DMD: variants seen among roughly 807,000 people sequenced by gnomAD.
DMD encodes dystrophin.
DMD carries 63 observed loss-of-function variants against 330.1 expected under a neutral mutation model. The observed-to-expected ratio is 0.19, with a 90% CI of 0.16 to 0.24. DMD has a LOEUF of 0.24. Ranked by LOEUF, DMD falls within the 10% of genes least tolerant of loss-of-function variation. The pLI is 1.00. For missense variants in DMD, 3,344 were observed against 2,684.1 expected, an observed-to-expected ratio of 1.25 and a Z score of -5.43; for synonymous variants, 1,223 against 959.8, an observed-to-expected ratio of 1.27 and a Z score of -5.07.
intron 52 of DMD, among the ~76,000 whole-genome samples, chrX:31,705,230 G>A (rs2084093051): frequency 1.8e-5 from 2 of 112,781 alleles, no homozygotes; most frequent in Admixed American, 9.3e-5. Context: ...TAGGAGTCCA[G>A]GCACAGCCTG....
intron 11 of DMD, among the ~76,000 whole-genome samples, chrX:32,622,006 C>G (rs1422443376): frequency 9.0e-6 from 1 of 111,621 alleles, no homozygotes; most frequent in Non-Finnish European, 1.9e-5. Flanking sequence ...AATTACTGCT[C>G]TAGGTAACTT....
intron 1 of DMD, among the ~76,000 whole-genome samples, chrX:33,253,037 A>G (rs1189256159): frequency 1.8e-5 from 2 of 111,825 alleles, no homozygotes; most frequent in Non-Finnish European, 3.8e-5. Context: ...ATAAAATCAA[A>G]GTAAAACTAA....
rs193001117 is a variant in DMD, at chrX:33,243,164, G to C, written c.7+96095C>G. Among the ~76,000 whole-genome samples, 135 of 111,848 alleles carry C rather than the reference G, an allele frequency of 1.2e-3. 1 individual carries two copies. The highest frequency in any genetic ancestry group is 5.2e-3 in the South Asian group (14 of 2,692). ...CATTTGCTTTTGGGTTCTTGGTCAT[G>C]AAATCCTTGCCTAAGCCAATGTCTA... On this transcript the variant is annotated intron_variant, in intron 1 of 17. Transcript: ENST00000288447.
intron 1 of DMD, among the ~76,000 whole-genome samples, chrX:33,032,756 G>C (rs766000662): frequency 4.3e-4 from 48 of 112,446 alleles, no homozygotes; most frequent in African/African-American, 1.5e-3. Flanking sequence ...AGGAAATGCA[G>C]TGAGTTATTG....
intron 2 of DMD, among the ~76,000 whole-genome samples, chrX:32,983,771 T>A (rs992745534): frequency 8.9e-6 from 1 of 111,841 alleles, no homozygotes; most frequent in Non-Finnish European, 1.9e-5. Flanking sequence ...TCAATTTTTT[T>A]AAAAGTCAAT....
At chrX:31,725,210 C>T (rs1236062439) in intron 52 of DMD, among the ~76,000 whole-genome samples, 1 of 107,008 alleles carries the variant, frequency 9.3e-6, no homozygotes, top group Non-Finnish European at 1.9e-5. Context: ...TCTCGGTTTT[C>T]TGTCTCTAAA....
chrX:32,462,740 G>C (rs995775985), intron 25 of DMD, among the ~76,000 whole-genome samples: 33 of 110,758 alleles, frequency 3.0e-4, no homozygotes, highest in Non-Finnish European at 4.7e-4. Context: ...AGCATTGTTT[G>C]AGCCCAGGAA....
At chrX:32,734,562 C>G (rs1458364989) in intron 7 of DMD, among the ~76,000 whole-genome samples, 1 of 103,618 alleles carries the variant, frequency 9.7e-6, no homozygotes, top group Non-Finnish European at 1.9e-5. Flanking sequence ...AAAGCTTATC[C>G]ACCATGATCA....
At chrX:32,812,602 T>C (rs1042283214) in intron 6 of DMD, among the ~76,000 whole-genome samples, 2 of 112,506 alleles carry the variant, frequency 1.8e-5, no homozygotes, top group Non-Finnish European at 1.9e-5. Flanking sequence ...CACTGCGCTC[T>C]AGCCTGTGCA....
chrX:31,180,613 G>C (rs772725124), intron 68 of DMD, 132 bp from the exon 69 acceptor site: 4 of 531,774 alleles, frequency 7.5e-6, no homozygotes, highest in Non-Finnish European at 1.3e-5. Context: ...CACAAGGTAA[G>C]TGATTAACTT....
intron 1 of DMD, among the ~76,000 whole-genome samples, chrX:33,171,197 A>ACT (rs760538296): frequency 0.035 from 3,168 of 89,565 alleles, 129 homozygotes; most frequent in African/African-American, 0.12. Flanking sequence ...ACTCCTTTAA[A>ACT]CTCTCTCTCT....
chrX:32,672,701 T>G (rs1184084659), intron 9 of DMD, among the ~76,000 whole-genome samples: 2 of 110,428 alleles, frequency 1.8e-5, no homozygotes, highest in South Asian at 7.6e-4. Flanking sequence ...TCTGCTTGAC[T>G]GAGAAAAAAA....
At chrX:32,335,825 T>C (rs1407254052) in intron 41 of DMD, among the ~76,000 whole-genome samples, 2 of 105,405 alleles carry the variant, frequency 1.9e-5, no homozygotes, top group Non-Finnish European at 3.9e-5. Context: ...GTATAACATG[T>C]TATATATAAC....
chrX:33,037,321 G>A (rs941755654), intron 1 of DMD, among the ~76,000 whole-genome samples: 4 of 107,960 alleles, frequency 3.7e-5, no homozygotes, highest in African/African-American at 1.4e-4. Flanking sequence ...CTCTATATCT[G>A]CAAACTCAAG....
intron 11 of DMD, among the ~76,000 whole-genome samples, chrX:32,642,730 G>A (rs768310487): frequency 8.9e-6 from 1 of 111,752 alleles, no homozygotes; most frequent in South Asian, 3.8e-4. Flanking sequence ...TAACTGATTA[G>A]TATGAATAAT....
At chrX:32,403,206 T>C (rs190043551) in intron 30 of DMD, among the ~76,000 whole-genome samples, 1 of 112,139 alleles carries the variant, frequency 8.9e-6, no homozygotes, top group African/African-American at 3.2e-5. Flanking sequence ...TTTAGATCGA[T>C]AAATTTTCTG....
intron 53 of DMD, among the ~76,000 whole-genome samples, chrX:31,667,784 A>G (rs953441398): frequency 9.0e-6 from 1 of 111,277 alleles, no homozygotes; most frequent in Non-Finnish European, 1.9e-5. Flanking sequence ...TATCCCATAA[A>G]TATATATACC....
intron 7 of DMD, among the ~76,000 whole-genome samples, chrX:32,742,514 G>C (rs1448686401): frequency 9.0e-6 from 1 of 111,514 alleles, no homozygotes; most frequent in Non-Finnish European, 1.9e-5. Context: ...AGTTAATAGT[G>C]TAAGTTTAAG....
intron 17 of DMD, among the ~76,000 whole-genome samples, chrX:32,527,140 G>A (rs141568624): frequency 8.9e-6 from 1 of 112,003 alleles, no homozygotes; most frequent in Non-Finnish European, 1.9e-5. Context: ...TGATGCCTGT[G>A]AAATACGTTA....
Sources: gnomAD v4.1 joint callset for allele counts (sites outside exome capture counted in the v4.1 genomes callset) on GRCh38, gnomAD v4.1.1 for gene constraint, MANE v1.5 for transcripts, NCBI Gene and HGNC (gene_info 2026-07-23, HGNC 2026-07-21) for gene names.